The following MCC variants were observed in gnomAD, a reference collection of about 807,000 sequenced individuals.
MCC encodes MCC regulator of Wnt signaling pathway.
Under a neutral mutation model 116.2 loss-of-function variants are expected in MCC, and 90 were observed. That is an observed-to-expected ratio of 0.77 (90% CI 0.65 to 0.92). MCC has a LOEUF of 0.92. Among genes scored for constraint, MCC ranks in the 40% least tolerant of loss-of-function variants. The pLI, the probability that MCC is intolerant of heterozygous loss-of-function variation, is 0.00. For synonymous variants in MCC, 578 were observed against 510.5 expected (o/e 1.13, Z -1.78); for missense variants, 1,516 against 1,312.2 (o/e 1.16, Z -2.40).
At chr5:113,213,801 T>C (rs1763215412) in intron 3 of MCC, among the ~76,000 whole-genome samples, 1 of 152,200 alleles carries the variant, frequency 6.6e-6, no homozygotes, top group Non-Finnish European at 1.5e-5. Context: ...CTTCCCTTTG[T>C]TGCCTCTGTC....
At chr5:113,421,766 T>A (rs1770344092) in intron 1 of MCC, among the ~76,000 whole-genome samples, 1 of 152,192 alleles carries the variant, frequency 6.6e-6, no homozygotes, top group African/African-American at 2.4e-5. Context: ...AGCTGCTGAC[T>A]CCTTCCCCAT....
intron 3 of MCC, among the ~76,000 whole-genome samples, chr5:113,206,646 T>C (rs1038398290): frequency 6.6e-6 from 1 of 152,164 alleles, no homozygotes. Context: ...GAGGCAGAGA[T>C]TGCAGTGAGC....
At chr5:113,220,846 C>T (rs1009992381) in intron 3 of MCC, among the ~76,000 whole-genome samples, 8 of 152,288 alleles carry the variant, frequency 5.3e-5, no homozygotes, top group Admixed American at 3.3e-4. Context: ...CTGGCTAGAA[C>T]ATCTAGTGCA....
At chr5:113,067,962 A>T in intron 13 of MCC, 118 bp downstream of exon 13, 1 of 836,510 alleles carries the variant, frequency 1.2e-6, no homozygotes, top group Non-Finnish European at 2.0e-6. Flanking sequence ...CGAAAAACAC[A>T]CTTGACAACC....
At chr5:113,405,546 T>G (rs1482229802) in intron 1 of MCC, among the ~76,000 whole-genome samples, 1 of 152,136 alleles carries the variant, frequency 6.6e-6, no homozygotes, top group Non-Finnish European at 1.5e-5. Context: ...CCCAGCACTT[T>G]GGGAGGCAGA....
intron 3 of MCC, among the ~76,000 whole-genome samples, chr5:113,292,694 G>A (rs1049642248): frequency 6.6e-6 from 1 of 152,146 alleles, no homozygotes; most frequent in South Asian, 2.1e-4. Flanking sequence ...TTCACTCAGG[G>A]TTCTAGCCCC....
At chr5:113,426,345 G>A (rs140160792) in intron 1 of MCC, among the ~76,000 whole-genome samples, 64 of 152,242 alleles carry the variant, frequency 4.2e-4, no homozygotes, top group African/African-American at 1.3e-3. Context: ...GCTATAGGTC[G>A]TTGTCATCCT....
intron 1 of MCC, among the ~76,000 whole-genome samples, chr5:113,425,876 A>G (rs1408178905): frequency 2.0e-5 from 3 of 151,786 alleles, no homozygotes; most frequent in Non-Finnish European, 2.9e-5. Context: ...GGATGGAGGG[A>G]AGATGGGTGG....
At chr5:113,214,294 G>T (rs1201434064) in intron 3 of MCC, among the ~76,000 whole-genome samples, 3 of 152,162 alleles carry the variant, frequency 2.0e-5, no homozygotes, top group Admixed American at 6.6e-5. Flanking sequence ...ACATCCCAGT[G>T]GGGAGACACT....
chr5:113,377,846 T>C (rs770146935), intron 2 of MCC, among the ~76,000 whole-genome samples: 5 of 152,116 alleles, frequency 3.3e-5, no homozygotes, highest in African/African-American at 1.2e-4. Flanking sequence ...CCCAATTAAA[T>C]ATTGGAATAA....
intron 5 of MCC, among the ~76,000 whole-genome samples, chr5:113,136,712 C>T (rs1345331050): frequency 1.3e-5 from 2 of 152,164 alleles, no homozygotes; most frequent in African/African-American, 2.4e-5. Context: ...TGTAACTTTA[C>T]TGAATGTATC....
intron 1 of MCC, among the ~76,000 whole-genome samples, chr5:113,449,557 G>C (rs1357946127): frequency 6.6e-6 from 1 of 152,178 alleles, no homozygotes; most frequent in Non-Finnish European, 1.5e-5. Flanking sequence ...GATGATTTCT[G>C]TGAGGACTTA....
chr5:113,329,747 A>G (rs1377643619), intron 3 of MCC, among the ~76,000 whole-genome samples: 1 of 152,116 alleles, frequency 6.6e-6, no homozygotes, highest in Admixed American at 6.5e-5. Flanking sequence ...CCATTATACT[A>G]TCCAACTGCA....
intron 3 of MCC, among the ~76,000 whole-genome samples, chr5:113,225,209 T>C (rs1244066671): frequency 2.6e-5 from 4 of 152,256 alleles, no homozygotes; most frequent in African/African-American, 7.2e-5. Context: ...ACTTCACGTA[T>C]GACACTTATG....
chr5:113,210,196 T>C (rs74421594), intron 3 of MCC, among the ~76,000 whole-genome samples: 396 of 143,540 alleles, frequency 2.8e-3, no homozygotes, highest in Non-Finnish European at 4.7e-3. Flanking sequence ...CCCTCAACAG[T>C]ACAACTTTTC....
At chr5:113,128,664 G>T (rs889142055) in intron 5 of MCC, among the ~76,000 whole-genome samples, 1 of 152,092 alleles carries the variant, frequency 6.6e-6, no homozygotes, top group Non-Finnish European at 1.5e-5. Flanking sequence ...CTTAACAAGA[G>T]CTCATATAAG....
At chr5:113,069,150 C>T (rs1186992100) in intron 12 of MCC, among the ~76,000 whole-genome samples, 1 of 152,172 alleles carries the variant, frequency 6.6e-6, no homozygotes, top group East Asian at 1.9e-4. Flanking sequence ...CAGTGGTTAC[C>T]ATATTGGGCA....
intron 3 of MCC, among the ~76,000 whole-genome samples, chr5:113,337,309 TGAGTCTTGCA>T: frequency 6.6e-6 from 1 of 152,348 alleles, no homozygotes; most frequent in East Asian, 1.9e-4. Context: ...TGATACCTGA[TGAGTCTTGCA>T]GATGCCCCAA....
chr5:113,264,689 A>C (rs548101619), intron 3 of MCC, among the ~76,000 whole-genome samples: 1 of 152,336 alleles, frequency 6.6e-6, no homozygotes, highest in African/African-American at 2.4e-5. Context: ...AAAAAAATCA[A>C]AAGAAGAATA....
Sources: gnomAD v4.1 joint callset for allele counts (sites outside exome capture counted in the v4.1 genomes callset) on GRCh38, gnomAD v4.1.1 for gene constraint, MANE v1.5 for transcripts, NCBI Gene and HGNC (gene_info 2026-07-23, HGNC 2026-07-21) for gene names.